Variants in SPEN observed in about 807,000 individuals in gnomAD.
SPEN encodes msx2-interacting protein.
SPEN carries 18 observed loss-of-function variants against 269.9 expected under a neutral mutation model. The ratio of observed to expected loss-of-function variants is 0.07; its 90% CI spans 0.05 to 0.10. SPEN has a LOEUF of 0.10. Ranked by LOEUF, SPEN falls within the 10% of genes least tolerant of loss-of-function variation. The pLI, the probability that SPEN is intolerant of heterozygous loss-of-function variation, is 1.00. For synonymous variants in SPEN, 1,726 were observed against 1,765.7 expected (o/e 0.98, Z 0.56); for missense variants, 3,822 against 4,631.2 (o/e 0.83, Z 5.07).
chr1:15,878,847 T>A (rs2070658499), intron 3 of SPEN, among the ~76,000 whole-genome samples: 1 of 150,986 alleles, frequency 6.6e-6, no homozygotes. Context: ...CTGTCTCTAC[T>A]AAAAATACAA....
In SPEN at chr1:15,911,328, G is replaced by A. The variant is rs758694709; in HGVS notation, c.1243+27G>A. The stretch of plus-strand genomic sequence containing the variant: ...TAAGACACAAGCAAGCTGAGTTTGA[G>A]TTACTCATCACACACACTGTTTGTG... On this transcript the variant is annotated intron_variant, in intron 5 of 14. Transcript: ENST00000375759. 3 of 1,590,556 alleles carry A rather than the reference G, an allele frequency of 1.9e-6. No homozygotes were observed. The East Asian group carries it at 6.7e-5, about 36-fold the overall frequency.
intron 1 of SPEN, among the ~76,000 whole-genome samples, chr1:15,867,240 A>G (rs1462593195): frequency 2.6e-5 from 4 of 152,230 alleles, no homozygotes; most frequent in Non-Finnish European, 5.9e-5. Flanking sequence ...GGAATCATAC[A>G]GTATGTGACT....
chr1:15,906,694 C>T (rs1478100992), intron 3 of SPEN, among the ~76,000 whole-genome samples: 2 of 151,474 alleles, frequency 1.3e-5, no homozygotes, highest in East Asian at 3.9e-4. Flanking sequence ...GAACTCCTGG[C>T]CGCAAGTGAT....
chr1:15,939,615 G>A lies in SPEN; in HGVS notation c.*188G>A, dbSNP rs755105003. 5 of 580,446 alleles carry A rather than the reference G, an allele frequency of 8.6e-6. No homozygotes were observed. Among genetic ancestry groups the A allele is most frequent in the Admixed American group, 8.2e-5 (2 of 24,334 alleles). The allele number at this position is 580,446 out of a possible 1,614,324, so 36.0% of individuals were successfully genotyped here. On this transcript the variant is annotated 3_prime_UTR_variant, in exon 15 of 15. Coordinates refer to ENST00000375759, the MANE Select transcript of SPEN (RefSeq NM_015001.3). This position sits in a 1 kb window ranked among gnomAD's most constrained non-coding sequence, Gnocchi z 4.1. ...CCTCTAGGAGTGGTGCTGCTACCTT[G>A]TATGTTTACATAATGCTTTAGCCCA...
intron 1 of SPEN, among the ~76,000 whole-genome samples, chr1:15,854,335 A>C (rs1391967306): frequency 6.6e-6 from 1 of 152,188 alleles, no homozygotes; most frequent in Non-Finnish European, 1.5e-5. Context: ...TCTGTAGTTA[A>C]ATTAACAATC....
chr1:15,890,027 T>C (rs950695270), intron 3 of SPEN, among the ~76,000 whole-genome samples: 1 of 152,092 alleles, frequency 6.6e-6, no homozygotes, highest in African/African-American at 2.4e-5. Flanking sequence ...TAGAACATCT[T>C]TCCAAATCCA....
At position 15,934,185 on chromosome 1, in the gene SPEN, G is replaced by C. The variant is rs141547279; in HGVS notation, c.7945G>C (p.Gly2649Arg). ...LAKPAPQTLTGLVSALTGLVN... is the reference protein window; with the variant it reads ...LAKPAPQTLTRLVSALTGLVN... ...AAAACCAGCTCCTCAAACCCTCACTGGTCTGGTGAGCGCACTCACTGGCCT... is the reference window on the plus strand; with the variant it reads ...AAAACCAGCTCCTCAAACCCTCACTCGTCTGGTGAGCGCACTCACTGGCCT... The change falls in exon 11 of 15, where the codon GGT becomes CGT. Residue 2649 changes from glycine (G) to arginine (R), a missense_variant. Physicochemically the swap from Gly to Arg is moderately radical, Grantham distance 125. Coordinates refer to ENST00000375759, the MANE Select transcript of SPEN (RefSeq NM_015001.3). This position sits in a 1 kb window ranked among gnomAD's most constrained non-coding sequence, Gnocchi z 9.2. 1.2e-6 allele frequency: 2 copies of C among 1,614,198 alleles called. No individual in the cohort carries two copies. Among genetic ancestry groups the C allele is most frequent in the Non-Finnish European group, 1.7e-6 (2 of 1,180,040 alleles).
chr1:15,880,573 AG>A (rs1362854414), intron 3 of SPEN, among the ~76,000 whole-genome samples: 10 of 148,578 alleles, frequency 6.7e-5, no homozygotes, highest in African/African-American at 2.5e-4. Flanking sequence ...CTCTTGACTC[AG>A]CCTCCTGAGG....
chr1:15,932,958 C>T lies in SPEN; in HGVS notation c.6718C>T (p.Pro2240Ser), dbSNP rs1291646884. ...PENFPAPPPYPGESQTDLQPP... is the reference protein window; with the variant it reads ...PENFPAPPPYSGESQTDLQPP... ...AAACTTCCCAGCACCTCCACCTTAT[C>T]CTGGAGAATCCCAGACAGATCTGCA... The change falls in exon 11 of 15, where the codon CCT becomes TCT. Residue 2240 changes from proline to serine, a missense_variant. Transcript: ENST00000375759. The surrounding 1 kb of genome is among the most constrained non-coding windows in gnomAD (Gnocchi z 4.2). The T allele has an allele frequency of 1.2e-6, 2 of 1,614,228 alleles. No homozygotes were observed. Among genetic ancestry groups the T allele is most frequent in the Non-Finnish European group, 8.5e-7 (1 of 1,180,044 alleles).
chr1:15,922,976 A>G (rs2071133877), intron 10 of SPEN, among the ~76,000 whole-genome samples: 1 of 152,210 alleles, frequency 6.6e-6, no homozygotes, highest in African/African-American at 2.4e-5. Flanking sequence ...CTTAAAGTAA[A>G]TGTATTAATA....
chr1:15,894,356 T>C (rs2070818246), intron 3 of SPEN, among the ~76,000 whole-genome samples: 1 of 152,126 alleles, frequency 6.6e-6, no homozygotes, highest in African/African-American at 2.4e-5. Flanking sequence ...AGCATGCATG[T>C]TTGATGCTTT....
Position 15,929,678 on chromosome 1 carries a change from C to G in SPEN, c.3438C>G (p.Gly1146=), listed in dbSNP as rs1332100047. 1.2e-6 allele frequency: 2 copies of G among 1,613,916 alleles called. No homozygotes were observed. Among genetic ancestry groups the G allele is most frequent in the African/African-American group, 2.7e-5 (2 of 74,896 alleles). The part of the protein sequence containing the change: ...LRDETPERKS[G]QEKSHSVNTE... ...ATGAAACACCTGAACGTAAATCAGG[C>G]CAAGAGAAATCACATTCAGTAAATA... The change falls in exon 11 of 15, where the codon GGC becomes GGG. Residue 1146 remains glycine, a synonymous_variant. Coordinates refer to ENST00000375759, the MANE Select transcript of SPEN (RefSeq NM_015001.3). This position sits in a 1 kb window ranked among gnomAD's most constrained non-coding sequence, Gnocchi z 5.8.
chr1:15,919,946 A>G (rs1255243269), intron 8 of SPEN, among the ~76,000 whole-genome samples: 2 of 152,238 alleles, frequency 1.3e-5, no homozygotes, highest in African/African-American at 2.4e-5. Flanking sequence ...TCCATAAGCA[A>G]CAGGAAAAGG....
Position 15,929,581 on chromosome 1 carries a change from A to G in SPEN, c.3341A>G (p.Lys1114Arg), listed in dbSNP as rs1396048758. 6.8e-6 allele frequency: 11 copies of G among 1,613,992 alleles called. No homozygotes were observed. Among genetic ancestry groups the G allele is most frequent in the Middle Eastern group, 1.6e-4 (1 of 6,084 alleles). Residue 1114 changes from lysine (K) to arginine (R), a missense_variant, in exon 11 of 15, where the codon AAA (lysine) becomes AGA (arginine). By Grantham distance (26) the Lys-to-Arg change is conservative. Coordinates refer to ENST00000375759, the MANE Select transcript of SPEN (RefSeq NM_015001.3). This position sits in a 1 kb window ranked among gnomAD's most constrained non-coding sequence, Gnocchi z 5.8. Reference sequence around the variant, plus strand: ...CCCATTCCCTCAAAACCACAGCTCAAACAGCTGCAGGTATTAGATGATCAA... The same window carrying G: ...CCCATTCCCTCAAAACCACAGCTCAGACAGCTGCAGGTATTAGATGATCAA... ...KKPIPSKPQLKQLQVLDDQGP... is the reference protein window; with the variant it reads ...KKPIPSKPQLRQLQVLDDQGP...
Position 15,929,443 on chromosome 1 carries a change from A to T in SPEN, c.3203A>T (p.Glu1068Val). 6.2e-7 allele frequency: 1 copy of T among 1,613,574 alleles called. No individual in the cohort carries two copies. ...NTVASPKDCQ[E>V]LASISVGSGS... ...GTTGCCAGCCCCAAAGACTGTCAGGAGCTTGCCAGTATTTCTGTTGGGTCT... is the reference window on the plus strand; with the variant it reads ...GTTGCCAGCCCCAAAGACTGTCAGGTGCTTGCCAGTATTTCTGTTGGGTCT... Residue 1068 changes from glutamate to valine, a missense_variant, in exon 11 of 15, where the codon GAG becomes GTG. By Grantham distance (121) the Glu-to-Val change is moderately radical. Around this residue, in one of 16 missense-constraint regions of SPEN, gnomAD observed 572 missense variants for 582.6 expected, o/e 0.98. Coordinates refer to ENST00000375759, the MANE Select transcript of SPEN (RefSeq NM_015001.3). This position sits in a 1 kb window ranked among gnomAD's most constrained non-coding sequence, Gnocchi z 5.8.
In SPEN at chr1:15,933,923, T is replaced by G; in HGVS notation, c.7683T>G (p.Pro2561=). ...STSVTTAIAE[P]VSAAPCLHEA... ...GTGTCACCACAGCCATTGCAGAGCC[T>G]GTCAGTGCTGCCCCTTGCCTACATG... The change falls in exon 11 of 15, where the codon CCT becomes CCG. Residue 2561 remains proline (P), a synonymous_variant. Transcript: ENST00000375759. This position sits in a 1 kb window ranked among gnomAD's most constrained non-coding sequence, Gnocchi z 5.7. The G allele has an allele frequency of 6.2e-7, 1 of 1,614,070 alleles. No homozygotes were observed. The highest frequency in any genetic ancestry group is 1.1e-5 in the South Asian group (1 of 91,086).
rs1282973614 is a variant in SPEN, at chr1:15,937,293, C to T, written c.10157C>T (p.Pro3386Leu). The T allele has an allele frequency of 8.7e-6, 14 of 1,613,938 alleles. No individual in the cohort carries two copies. Among genetic ancestry groups the T allele is most frequent in the Non-Finnish European group, 1.2e-5 (14 of 1,180,010 alleles). The change falls in exon 12 of 15, where the codon CCT becomes CTT. Residue 3386 changes from proline (P) to leucine (L), a missense_variant. By Grantham distance (98) the Pro-to-Leu change is moderately conservative. Coordinates refer to ENST00000375759, the MANE Select transcript of SPEN (RefSeq NM_015001.3). This position sits in a 1 kb window ranked among gnomAD's most constrained non-coding sequence, Gnocchi z 5.7. ...GGCCAGCCACCAAGCAGCAAGATGC[C>T]TCAAGTGTCCCAGGAGGCAAAGGGG... ...QPGQPPSSKMPQVSQEAKGTQ... is the reference protein window; with the variant it reads ...QPGQPPSSKMLQVSQEAKGTQ...
At chr1:15,919,709 A>G (rs2071098718) in intron 8 of SPEN, among the ~76,000 whole-genome samples, 192 bp downstream of exon 8, 1 of 152,240 alleles carries the variant, frequency 6.6e-6, no homozygotes, top group Non-Finnish European at 1.5e-5. Flanking sequence ...TGAAGAAACT[A>G]TTTTGAACTA....
rs2071267499 is a variant in SPEN, at chr1:15,935,683, C to T, written c.9443C>T (p.Pro3148Leu). The change falls in exon 11 of 15, where the codon CCT (proline) becomes CTT (leucine). Residue 3148 changes from proline to leucine, a missense_variant. Coordinates refer to ENST00000375759, the MANE Select transcript of SPEN (RefSeq NM_015001.3). This position sits in a 1 kb window ranked among gnomAD's most constrained non-coding sequence, Gnocchi z 7.7. ...CCGCAGCCAGCCCCAGCTGGTGTGC[C>T]TGCACTGGCCTCCCAGCACCCTCCC... is the stretch of plus-strand genomic sequence containing the variant. ...STPQPAPAGV[P>L]ALASQHPPEE... 1.2e-6 allele frequency: 2 copies of T among 1,613,882 alleles called. No homozygotes were observed. The highest frequency in any genetic ancestry group is 1.7e-6 in the Non-Finnish European group (2 of 1,179,914).
Sources: gnomAD v4.1 joint callset for allele counts (sites outside exome capture counted in the v4.1 genomes callset) on GRCh38, gnomAD v4.1.1 for gene constraint, gnomAD v4.1.1 regional missense constraint, Gnocchi (gnomAD v3.1) non-coding constraint, MANE v1.5 for transcripts, NCBI Gene and HGNC (gene_info 2026-07-23, HGNC 2026-07-21) for gene names.